DNAJC10: variants seen among roughly 807,000 people sequenced by gnomAD.
DNAJC10 encodes endoplasmic reticulum disulfide reductase DNAJC10.
In DNAJC10, 101 loss-of-function variants were observed where a neutral mutation model predicts 115.0. The observed-to-expected ratio is 0.88, with a 90% confidence interval of 0.75 to 1.04. DNAJC10 has a LOEUF of 1.04. Ranked by LOEUF, DNAJC10 falls within the 50% of genes least tolerant of loss-of-function variation. DNAJC10 has a pLI of 0.00. For synonymous variants in DNAJC10, 307 were observed against 301.5 expected (o/e 1.02, Z -0.19); for missense variants, 981 against 928.8 (o/e 1.06, Z -0.73).
chr2:182,723,929 A>G (rs1455847977), intron 5 of DNAJC10, among the ~76,000 whole-genome samples: 1 of 152,218 alleles, frequency 6.6e-6, no homozygotes, highest in Non-Finnish European at 1.5e-5. Context: ...AGGAATGAGC[A>G]GGAGCATTGT....
In DNAJC10 at chr2:182,743,614, G is replaced by A. The variant is rs780321545; in HGVS notation, c.1208G>A (p.Cys403Tyr). The A allele has an allele frequency of 6.2e-7, 1 of 1,613,116 alleles. No homozygotes were observed. Among genetic ancestry groups the A allele is most frequent in the Non-Finnish European group, 8.5e-7 (1 of 1,179,476 alleles). The change falls in exon 14 of 24, where the codon TGT (cysteine) becomes TAT (tyrosine). Residue 403 changes from cysteine to tyrosine, a missense_variant. Cys to Tyr is a radical substitution (Grantham distance 194). Coordinates refer to ENST00000264065, the MANE Select transcript of DNAJC10 (RefSeq NM_018981.4). ...NDHIQVGRFD[C>Y]SSAPDICSNL... ...CTCCTTTAGGTTGGCAGGTTTGACT[G>A]TTCCTCTGCACCAGACATCTGTAGT... is the stretch of plus-strand genomic sequence containing the variant.
At chr2:182,748,868 T>C (rs1693942741) in intron 14 of DNAJC10, among the ~76,000 whole-genome samples, 1 of 152,102 alleles carries the variant, frequency 6.6e-6, no homozygotes, top group South Asian at 2.1e-4. Context: ...TTTGTTCTCG[T>C]TGGTTTCAAA....
intron 22 of DNAJC10, among the ~76,000 whole-genome samples, chr2:182,767,265 A>T (rs183773910): frequency 3.3e-5 from 5 of 152,266 alleles, no homozygotes; most frequent in African/African-American, 1.2e-4. Flanking sequence ...TCCTCTTTTC[A>T]GGCAGTGACC....
At chr2:182,766,837 T>TA (rs767098945) in intron 22 of DNAJC10, among the ~76,000 whole-genome samples, 1 of 152,034 alleles carries the variant, frequency 6.6e-6, no homozygotes, top group Non-Finnish European at 1.5e-5. Context: ...GGGCGGCCTC[T>TA]AATCTACTTA....
At chr2:182,769,149 A>G (rs192732091) in intron 22 of DNAJC10, among the ~76,000 whole-genome samples, 1 of 152,312 alleles carries the variant, frequency 6.6e-6, no homozygotes, top group East Asian at 1.9e-4. Flanking sequence ...TGCAAAGGAC[A>G]TGAACGCATC....
chr2:182,765,677 A>G (rs1001846129), intron 22 of DNAJC10, among the ~76,000 whole-genome samples: 7 of 152,172 alleles, frequency 4.6e-5, no homozygotes, highest in African/African-American at 1.7e-4. Flanking sequence ...TCGATTCTCT[A>G]ACAACAGGTC....
chr2:182,756,692 G>T (rs1045125398), intron 18 of DNAJC10, among the ~76,000 whole-genome samples: 5 of 150,852 alleles, frequency 3.3e-5, no homozygotes, highest in African/African-American at 1.2e-4. Flanking sequence ...TTTTTTGGTC[G>T]GGTAGCAGGG....
At chr2:182,732,796 C>A in intron 10 of DNAJC10, 1 of 487,378 alleles carries the variant, frequency 2.1e-6, no homozygotes, top group Non-Finnish European at 3.6e-6. Flanking sequence ...TCCTCTTCAA[C>A]TGAAGTTACA....
chr2:182,771,765 A>G (rs1694569641), intron 22 of DNAJC10, among the ~76,000 whole-genome samples: 1 of 152,060 alleles, frequency 6.6e-6, no homozygotes, highest in Non-Finnish European at 1.5e-5. Flanking sequence ...TGATCTTTTC[A>G]AAAAACCAGC....
chr2:182,731,742 G>T (rs906146787), intron 9 of DNAJC10, among the ~76,000 whole-genome samples: 1 of 152,130 alleles, frequency 6.6e-6, no homozygotes, highest in Non-Finnish European at 1.5e-5. Flanking sequence ...CAGCCTTCAT[G>T]CTGCTATATT....
chr2:182,759,871 T>G (rs1018887637), intron 21 of DNAJC10, among the ~76,000 whole-genome samples: 5 of 152,088 alleles, frequency 3.3e-5, no homozygotes, highest in African/African-American at 7.2e-5. Context: ...CCTATGACTA[T>G]TCTGTTTTCC....
chr2:182,767,260 T>C (rs1200120005), intron 22 of DNAJC10, among the ~76,000 whole-genome samples: 5 of 152,148 alleles, frequency 3.3e-5, no homozygotes, highest in Non-Finnish European at 5.9e-5. Context: ...TCATTTCCTC[T>C]TTTCAGGCAG....
rs1327398903 is a variant in DNAJC10 at position 182,755,102 on chromosome 2, G to C, written c.1651G>C (p.Glu551Gln). 5 of 1,572,752 alleles carry C rather than the reference G, an allele frequency of 3.2e-6. No individual in the cohort carries two copies. The highest frequency in any genetic ancestry group is 4.4e-6 in the Non-Finnish European group (5 of 1,142,764). The change falls in exon 17 of 24, where the codon GAG becomes CAG. Residue 551 changes from glutamate (E) to glutamine (Q), a missense_variant and splice_region_variant. By Grantham distance (29) the Glu-to-Gln change is conservative. Coordinates refer to ENST00000264065, the MANE Select transcript of DNAJC10 (RefSeq NM_018981.4). ...HSAEQILEFIEDLMNPSVVSL... is the reference protein window; with the variant it reads ...HSAEQILEFIQDLMNPSVVSL... ...TGCTGAACAAATCTTGGAGTTCATA[G>C]AGGTATTTCAGATTATAGACTATGT... is the stretch of plus-strand genomic sequence containing the variant.
In DNAJC10 at chr2:182,787,315, T is replaced by G. The variant is rs898663384; in HGVS notation, c.*10183T>G. 1 of 152,248 alleles carries G rather than the reference T, an allele frequency of 6.6e-6. No individual in the cohort carries two copies. The highest frequency in any genetic ancestry group is 2.4e-5 in the African/African-American group (1 of 41,460). The allele number at this position is 152,248 out of a possible 1,614,324, so 9.4% of individuals were successfully genotyped here. A position where few individuals can be genotyped will look rare whatever the true frequency, so the allele number is the denominator to read the frequency against. On this transcript the variant is annotated 3_prime_UTR_variant, in exon 24 of 24. Transcript: ENST00000264065. ...CGCTAGTCATTGTGGCTTCTGCTGC[T>G]TTAAGGTTCTGGAATTATGGAAGAA...
rs766822011 is a variant in DNAJC10, at chr2:182,775,395, T to C, written c.2345T>C (p.Leu782Pro). ...AALISEKLET[L>P]RNQGKRNKDE... is the part of the protein sequence containing the mutation. ...TTAATAAGTGAAAAATTGGAAACTCTCCGAAATCAAGGCAAGAGGAATAAG... is the reference window on the plus strand; with the variant it reads ...TTAATAAGTGAAAAATTGGAAACTCCCCGAAATCAAGGCAAGAGGAATAAG... The change falls in exon 23 of 24, where the codon CTC (leucine) becomes CCC (proline). Residue 782 changes from leucine to proline, a missense_variant. By Grantham distance (98) the Leu-to-Pro change is moderately conservative. Coordinates refer to ENST00000264065, the MANE Select transcript of DNAJC10 (RefSeq NM_018981.4). 6.9e-5 allele frequency: 111 copies of C among 1,612,704 alleles called. No homozygotes were observed. The highest frequency in any genetic ancestry group is 9.2e-5 in the Non-Finnish European group (109 of 1,179,220).
intron 10 of DNAJC10, among the ~76,000 whole-genome samples, chr2:182,734,760 T>G (rs1693544219): frequency 6.6e-6 from 1 of 151,804 alleles, no homozygotes; most frequent in African/African-American, 2.4e-5. Flanking sequence ...GGATATTAAT[T>G]TAGAATTGTA....
chr2:182,717,263 C>T (rs1693018007), intron 2 of DNAJC10, among the ~76,000 whole-genome samples, 191 bp downstream of exon 2: 1 of 152,140 alleles, frequency 6.6e-6, no homozygotes, highest in Non-Finnish European at 1.5e-5. Context: ...ATTCCCTTCT[C>T]TTTTTGTGTT....
rs1283300924 is a variant in DNAJC10, at chr2:182,783,855, T to TCAAGAATGAATA, written c.*6724_*6735dup. 1.3e-5 allele frequency: 2 copies of TCAAGAATGAATA among 152,130 alleles called. No homozygotes were observed. The highest frequency in any genetic ancestry group is 4.8e-5 in the African/African-American group (2 of 41,442). The allele number at this position is 152,130 out of a possible 1,614,324, so 9.4% of individuals were successfully genotyped here. A position where few individuals can be genotyped will look rare whatever the true frequency, so the allele number is the denominator to read the frequency against. ...CATCTGTCAATAATCACCAAAGAAC[T>TCAAGAATGAATA]CAAGAATGAATAACATGATCTATCA... On this transcript the variant is annotated 3_prime_UTR_variant, in exon 24 of 24. Coordinates refer to ENST00000264065, the MANE Select transcript of DNAJC10 (RefSeq NM_018981.4).
At chr2:182,750,880 C>G (rs1693998943) in intron 14 of DNAJC10, among the ~76,000 whole-genome samples, 1 of 152,156 alleles carries the variant, frequency 6.6e-6, no homozygotes, top group African/African-American at 2.4e-5. Flanking sequence ...ATGTGGTCCA[C>G]CATTGCCTGA....
Sources: gnomAD v4.1 joint callset for allele counts (sites outside exome capture counted in the v4.1 genomes callset) on GRCh38, gnomAD v4.1.1 for gene constraint, MANE v1.5 for transcripts, NCBI Gene and HGNC (gene_info 2026-07-23, HGNC 2026-07-21) for gene names.